The following TMPRSS15 variants were observed in gnomAD, a reference collection of about 807,000 sequenced individuals.
TMPRSS15 encodes the protein enteropeptidase.
Under a neutral mutation model 125.3 loss-of-function variants are expected in TMPRSS15, and 128 were observed. The ratio of observed to expected loss-of-function variants is 1.02; its 90% CI spans 0.89 to 1.18. The LOEUF is 1.18. Ranked by LOEUF, TMPRSS15 falls within the 50% of genes most tolerant of loss-of-function variation. The pLI is 0.00. For synonymous variants in TMPRSS15, 446 were observed against 423.2 expected, an observed-to-expected ratio of 1.05 and a Z score of -0.66; for missense variants, 1,283 against 1,212.7, an observed-to-expected ratio of 1.06 and a Z score of -0.86.
intron 6 of TMPRSS15, among the ~76,000 whole-genome samples, chr21:18,365,503 GCTTC>G (rs764432753): frequency 1.1e-3 from 155 of 135,014 alleles, no homozygotes; most frequent in Non-Finnish European, 7.7e-4. Flanking sequence ...CTTTTCCCTT[GCTTC>G]CTTCCTTCCT....
intron 4 of TMPRSS15, among the ~76,000 whole-genome samples, chr21:18,381,929 C>T (rs2075896524): frequency 1.3e-5 from 2 of 151,760 alleles, no homozygotes; most frequent in East Asian, 1.9e-4. Context: ...ACTCCCATGA[C>T]ACAAGTTTAC....
chr21:18,342,117 A>C (rs947355947), intron 12 of TMPRSS15, among the ~76,000 whole-genome samples: 4 of 152,152 alleles, frequency 2.6e-5, no homozygotes, highest in African/African-American at 9.7e-5. Flanking sequence ...TGCCCGGAGG[A>C]CACAGAACGA....
intron 15 of TMPRSS15, 35 bp downstream of exon 15, chr21:18,329,134 T>C (rs780960476): frequency 1.9e-6 from 3 of 1,610,030 alleles, no homozygotes; most frequent in African/African-American, 1.3e-5. Flanking sequence ...ATCTTGAGCT[T>C]TACAACCTTT....
intron 4 of TMPRSS15, among the ~76,000 whole-genome samples, chr21:18,381,531 C>T (rs1055107650): frequency 2.0e-5 from 3 of 152,056 alleles, no homozygotes; most frequent in Non-Finnish European, 4.4e-5. Context: ...TGTGTTTTAA[C>T]ACAATTCAAC....
At chr21:18,467,224 A>G (rs918896649) in intron 1 of TMPRSS15, among the ~76,000 whole-genome samples, 3 of 152,044 alleles carry the variant, frequency 2.0e-5, no homozygotes, top group African/African-American at 7.2e-5. Context: ...ACACTTGGAC[A>G]TGGAGGGGAA....
chr21:18,349,706 C>T (rs1044617721), intron 10 of TMPRSS15, among the ~76,000 whole-genome samples: 5 of 152,230 alleles, frequency 3.3e-5, no homozygotes, highest in African/African-American at 1.2e-4. Context: ...TATCATCTGT[C>T]CTCATTATAT....
At chr21:18,374,479 CAA>C (rs1165884199) in intron 5 of TMPRSS15, among the ~76,000 whole-genome samples, 495 of 59,826 alleles carry the variant, frequency 8.3e-3, no homozygotes, top group South Asian at 0.019. Flanking sequence ...GACTCCGTCT[CAA>C]AAAAAAAAAA....
chr21:18,412,890 A>G lies in TMPRSS15; in HGVS notation c.11-14561T>C, dbSNP rs572260559. On this transcript the variant is annotated intron_variant, in intron 1 of 7. Coordinates refer to the TMPRSS15 transcript ENST00000422787. The stretch of plus-strand genomic sequence containing the variant: ...GGTTAGGTGTAGGGAATTAAACGGC[A>G]TAATAACATGTTCAGTTAAATTCCT... Among the ~76,000 whole-genome samples the G allele has an allele frequency of 1.4e-3, 210 of 152,320 alleles. 3 individuals are homozygous for G. The highest frequency in any genetic ancestry group is 1.6e-3 in the Non-Finnish European group (111 of 68,030).
intron 3 of TMPRSS15, among the ~76,000 whole-genome samples, chr21:18,394,533 GTCTCTC>G (rs199599399): frequency 1.3e-4 from 19 of 147,292 alleles, no homozygotes; most frequent in Admixed American, 6.1e-4. Flanking sequence ...CTCTCTCTCT[GTCTCTC>G]TCTCTCTCTC....
At chr21:18,408,495 A>G (rs995245100), upstream of TMPRSS15, among the ~76,000 whole-genome samples, 14 of 152,206 alleles carry the variant, frequency 9.2e-5, no homozygotes. Context: ...CCAGTGCCAT[A>G]GTCAATGAAC....
chr21:18,274,418 T>C (rs1189134315), intron 24 of TMPRSS15, among the ~76,000 whole-genome samples: 1 of 152,236 alleles, frequency 6.6e-6, no homozygotes, highest in Non-Finnish European at 1.5e-5. Flanking sequence ...TTATTTATTG[T>C]GTGTACTTGG....
chr21:18,399,481 G>T (rs1187086018), intron 1 of TMPRSS15, among the ~76,000 whole-genome samples: 1 of 152,090 alleles, frequency 6.6e-6, no homozygotes, highest in African/African-American at 2.4e-5. Context: ...AAGTTTGCAT[G>T]TTTAAATGTA....
intron 1 of TMPRSS15, among the ~76,000 whole-genome samples, chr21:18,467,696 T>C (rs1477875430): frequency 6.6e-6 from 1 of 152,046 alleles, no homozygotes; most frequent in African/African-American, 2.4e-5. Flanking sequence ...GGGAAAATTG[T>C]GTGTCTGTGT....
chr21:18,361,458 C>T lies in TMPRSS15; in HGVS notation c.774-1595G>A, dbSNP rs115913687. On this transcript the variant is annotated intron_variant, in intron 7 of 24. Transcript: ENST00000284885. ...TACTTAAGAGATTTAGTTTCCAAGGCCAAGCAGGAGCCCTGAGAAGTGGTC... is the reference window on the plus strand; with the variant it reads ...TACTTAAGAGATTTAGTTTCCAAGGTCAAGCAGGAGCCCTGAGAAGTGGTC... 1.2e-3 allele frequency among the ~76,000 whole-genome samples: 177 copies of T among 152,162 alleles called. 1 individual carries two copies. Among genetic ancestry groups the T allele is most frequent in the African/African-American group, 4.1e-3 (170 of 41,512 alleles).
At chr21:18,330,966 G>C (rs1005525880) in intron 14 of TMPRSS15, among the ~76,000 whole-genome samples, 2 of 151,626 alleles carry the variant, frequency 1.3e-5, no homozygotes, top group East Asian at 3.9e-4. Flanking sequence ...CCAGCTACTC[G>C]GGAGGCCAAG....
intron 1 of TMPRSS15, among the ~76,000 whole-genome samples, chr21:18,400,877 C>A (rs879745203): frequency 8.6e-5 from 13 of 151,880 alleles, no homozygotes; most frequent in African/African-American, 1.2e-4. Flanking sequence ...TAAATAATTG[C>A]ACAAACAAAA....
chr21:18,482,821 T>C (rs959186291), intron 1 of TMPRSS15, among the ~76,000 whole-genome samples: 1 of 151,740 alleles, frequency 6.6e-6, no homozygotes, highest in African/African-American at 2.4e-5. Context: ...TTCTAACTTA[T>C]TTTATCTTAT....
intron 18 of TMPRSS15, among the ~76,000 whole-genome samples, chr21:18,302,827 C>T (rs1237072321): frequency 6.6e-6 from 1 of 152,150 alleles, no homozygotes; most frequent in Non-Finnish European, 1.5e-5. Flanking sequence ...AGAATCTCTT[C>T]ATGGGCAACA....
chr21:18,450,157 C>T (rs1004586376), intron 1 of TMPRSS15, among the ~76,000 whole-genome samples: 1 of 152,068 alleles, frequency 6.6e-6, no homozygotes, highest in Admixed American at 6.6e-5. Flanking sequence ...ATCTTATATA[C>T]AAGGCAAATT....
Sources: allele counts gnomAD v4.1 joint callset (sites outside exome capture counted in the v4.1 genomes callset), GRCh38; gene constraint gnomAD v4.1.1; transcripts MANE v1.5; gene names NCBI Gene and HGNC (gene_info 2026-07-23, HGNC 2026-07-21).